Variants in AKAP19 observed in about 807,000 individuals in gnomAD.
AKAP19 encodes the protein A-kinase anchoring protein 19.
chr2:190,046,138 C>T, the AKAP19 span, among the ~76,000 whole-genome samples: 6 of 151,800 alleles, frequency 4.0e-5, no homozygotes, highest in East Asian at 2.0e-4. Flanking sequence ...TTAGTCCCAG[C>T]GTGAGTACCT....
At chr2:190,156,021 G>A in the AKAP19 span, among the ~76,000 whole-genome samples, 1 of 151,992 alleles carries the variant, frequency 6.6e-6, no homozygotes, top group South Asian at 2.1e-4. Context: ...AAGGCTATAT[G>A]GAATAATTAA....
At chr2:189,969,275 A>C in the AKAP19 span, among the ~76,000 whole-genome samples, 2 of 152,090 alleles carry the variant, frequency 1.3e-5, no homozygotes, top group African/African-American at 2.4e-5. Context: ...GCCTTTCATC[A>C]TGAGTTTATA....
chr2:190,094,991 GA>G, the AKAP19 span, among the ~76,000 whole-genome samples: 28 of 152,218 alleles, frequency 1.8e-4, no homozygotes, highest in African/African-American at 6.8e-4. Flanking sequence ...TTGAGAGGCC[GA>G]GATGGGCGGA....
At chr2:190,143,319 A>C in the AKAP19 span, among the ~76,000 whole-genome samples, 1 of 149,422 alleles carries the variant, frequency 6.7e-6, no homozygotes, top group Non-Finnish European at 1.5e-5. Flanking sequence ...TGAACTTTAT[A>C]GTTCCCTAAA....
the AKAP19 span, among the ~76,000 whole-genome samples, chr2:189,950,468 C>A: frequency 1.3e-5 from 2 of 150,724 alleles, no homozygotes; most frequent in African/African-American, 2.4e-5. Context: ...TAGGATAAGT[C>A]TCTACCTTCA....
the AKAP19 span, among the ~76,000 whole-genome samples, chr2:189,951,734 G>A: frequency 5.1e-4 from 77 of 152,262 alleles, 1 homozygote; most frequent in Non-Finnish European, 6.6e-4. Flanking sequence ...TTTTAGAATA[G>A]CATTTGCTGA....
At chr2:190,098,280 G>C in the AKAP19 span, among the ~76,000 whole-genome samples, 3 of 152,052 alleles carry the variant, frequency 2.0e-5, no homozygotes, top group Admixed American at 2.0e-4. Context: ...TGATCCATGG[G>C]CTACAGAATG....
chr2:189,961,574 A>G, the AKAP19 span, among the ~76,000 whole-genome samples: 2 of 152,152 alleles, frequency 1.3e-5, no homozygotes, highest in African/African-American at 4.8e-5. Context: ...AATTTACCTC[A>G]TAAGTCCCAG....
the AKAP19 span, among the ~76,000 whole-genome samples, chr2:189,950,550 C>T: frequency 3.0e-4 from 46 of 152,044 alleles, no homozygotes; most frequent in African/African-American, 1.0e-3. Flanking sequence ...AGAAAGCCTT[C>T]AGGGTCTGAA....
At chr2:189,911,409 C>T in the AKAP19 span, among the ~76,000 whole-genome samples, 1 of 151,956 alleles carries the variant, frequency 6.6e-6, no homozygotes, top group Non-Finnish European at 1.5e-5. Context: ...TGATCTCTTA[C>T]TTTCCTAAAA....
chr2:190,071,449 T>G, the AKAP19 span, among the ~76,000 whole-genome samples: 2 of 152,174 alleles, frequency 1.3e-5, no homozygotes, highest in Admixed American at 1.3e-4. Flanking sequence ...TATAATATAG[T>G]ACAGTAACAT....
At chr2:190,190,054 A>G in the AKAP19 span, 3 of 152,240 alleles carry the variant, frequency 2.0e-5, no homozygotes, top group Non-Finnish European at 4.4e-5. Flanking sequence ...AATGTTCTCA[A>G]AAACTGTTCT....
At chr2:190,091,543 G>A in the AKAP19 span, among the ~76,000 whole-genome samples, 129,025 of 148,168 alleles carry the variant, frequency 0.87, 55,021 homozygotes, top group East Asian at 0.93. Flanking sequence ...ATCCTCTTTT[G>A]TTAAACACAC....
chr2:190,185,726 C>G, the AKAP19 span, among the ~76,000 whole-genome samples: 1 of 152,140 alleles, frequency 6.6e-6, no homozygotes, highest in South Asian at 2.1e-4. Context: ...CATCTATCGC[C>G]TGTTCAACAG....
chr2:189,916,868 C>T, the AKAP19 span, among the ~76,000 whole-genome samples: 1 of 152,090 alleles, frequency 6.6e-6, no homozygotes, highest in Non-Finnish European at 1.5e-5. Context: ...CATTGAAGGA[C>T]ATCTGAGTTA....
At chr2:190,197,208 C>T in the AKAP19 span, among the ~76,000 whole-genome samples, 1 of 152,166 alleles carries the variant, frequency 6.6e-6, no homozygotes, top group Non-Finnish European at 1.5e-5. The surrounding 1 kb of genome is among the most constrained non-coding windows in gnomAD (Gnocchi z 4.0). Context: ...AGCTCACAAG[C>T]CTAAGTCATA....
chr2:190,005,223 A>G, the AKAP19 span, among the ~76,000 whole-genome samples: 1 of 152,188 alleles, frequency 6.6e-6, no homozygotes, highest in African/African-American at 2.4e-5. Context: ...GCATGCAGGG[A>G]GACCTGACCA....
chr2:190,144,773 T>A, the AKAP19 span, among the ~76,000 whole-genome samples: 1 of 151,980 alleles, frequency 6.6e-6, no homozygotes, highest in Non-Finnish European at 1.5e-5. Context: ...GGTCAGGAGT[T>A]CGAGACCAGC....
the AKAP19 span, among the ~76,000 whole-genome samples, chr2:189,953,678 T>C: frequency 1.3e-5 from 2 of 151,640 alleles, no homozygotes; most frequent in African/African-American, 4.9e-5. Flanking sequence ...TTTAGATATA[T>C]TGATTCATTC....
Sources: gnomAD v4.1 joint callset for allele counts (sites outside exome capture counted in the v4.1 genomes callset) on GRCh38, gnomAD v4.1.1 for gene constraint, Gnocchi (gnomAD v3.1) non-coding constraint, MANE v1.5 for transcripts, NCBI Gene and HGNC (gene_info 2026-07-23, HGNC 2026-07-21) for gene names.